Variants in BRSK1 observed in about 807,000 individuals in gnomAD.
The protein encoded by BRSK1 is serine/threonine-protein kinase BRSK1.
BRSK1 carries 17 observed loss-of-function variants against 86.2 expected under a neutral mutation model. That is an observed-to-expected ratio of 0.20 (90% CI 0.14 to 0.30). The LOEUF is 0.30. BRSK1 is among the 10% of genes least tolerant of loss of function. The pLI, the probability that BRSK1 is intolerant of heterozygous loss-of-function variation, is 1.00. For synonymous variants in BRSK1, 464 were observed against 440.1 expected (o/e 1.05, Z -0.68); for missense variants, 719 against 1,071.9 (o/e 0.67, Z 4.60).
chr19:55,289,486 G>A lies in BRSK1; in HGVS notation c.324G>A (p.Leu108=). 1 of 1,612,744 alleles carries A rather than the reference G, an allele frequency of 6.2e-7. No individual in the cohort carries two copies. Among genetic ancestry groups the A allele is most frequent in the East Asian group, 2.2e-5 (1 of 44,864 alleles). Residue 108 remains leucine (L), a synonymous_variant, in exon 4 of 19, where the codon CTG becomes CTA. Coordinates refer to ENST00000309383, the MANE Select transcript of BRSK1 (RefSeq NM_032430.2). Reference sequence around the variant, plus strand: ...CCCCCTCTATATCCTTTAGGTACCTGGTTCTGGAGCACGTCTCGGGGGGTG... The same window carrying A: ...CCCCCTCTATATCCTTTAGGTACCTAGTTCTGGAGCACGTCTCGGGGGGTG... ...DVYENKKYLY[L]VLEHVSGGEL...
At chr19:55,290,928 A>G (rs1034125444) in intron 4 of BRSK1, among the ~76,000 whole-genome samples, 2 of 151,862 alleles carry the variant, frequency 1.3e-5, no homozygotes, top group Non-Finnish European at 2.9e-5. Flanking sequence ...GGCATGAGCC[A>G]CCGCGCCCGG....
chr19:55,304,836 G>C lies in BRSK1; in HGVS notation c.1633G>C (p.Gly545Arg). ...ACCCCCCAGCCCCGGCGGTGGCGTC[G>C]GGGGAGCCGCCTGGAGGAGTCGTCT... is the stretch of plus-strand genomic sequence containing the variant. ...TPPPSPGGGV[G>R]GAAWRSRLNS... The change falls in exon 14 of 19, where the codon GGG (glycine) becomes CGG (arginine). Residue 545 changes from glycine (G) to arginine (R), a missense_variant. Gly to Arg is a moderately radical substitution (Grantham distance 125). Around this residue, in one of 6 missense-constraint regions of BRSK1, gnomAD observed 180 missense variants for 259.4 expected, o/e 0.69. Transcript: ENST00000309383. The surrounding 1 kb of genome is among the most constrained non-coding windows in gnomAD (Gnocchi z 5.2). 2.5e-6 allele frequency: 4 copies of C among 1,600,920 alleles called. No homozygotes were observed. Among genetic ancestry groups the C allele is most frequent in the Non-Finnish European group, 3.4e-6 (4 of 1,176,156 alleles).
Position 55,287,418 on chromosome 19 carries a change from C to A in BRSK1, c.317+119C>A. ...GGGACCTGCAGCTCTCCAGGCTGGA[C>A]CGCTGAAGGCCCAGTTCCTTGCCTG... On this transcript the variant is annotated intron_variant, in intron 3 of 18. Coordinates refer to ENST00000309383, the MANE Select transcript of BRSK1 (RefSeq NM_032430.2). The surrounding 1 kb of genome is among the most constrained non-coding windows in gnomAD (Gnocchi z 5.3). 1 of 873,662 alleles carries A rather than the reference C, an allele frequency of 1.1e-6. No homozygotes were observed. The highest frequency in any genetic ancestry group is 1.8e-6 in the Non-Finnish European group (1 of 546,362). The allele number at this position is 873,662 out of a possible 1,614,324, so 54.1% of individuals were successfully genotyped here. A position where few individuals can be genotyped will look rare whatever the true frequency, so the allele number is the denominator to read the frequency against.
rs1190259677 is a variant in BRSK1, at chr19:55,310,078, C to T, written c.2179+1350C>T. 6.6e-6 allele frequency among the ~76,000 whole-genome samples: 1 copy of T among 152,184 alleles called. No homozygotes were observed. The highest frequency in any genetic ancestry group is 1.5e-5 in the Non-Finnish European group (1 of 68,038). On this transcript the variant is annotated intron_variant, in intron 18 of 18. Coordinates refer to ENST00000309383, the MANE Select transcript of BRSK1 (RefSeq NM_032430.2). The surrounding 1 kb of genome is among the most constrained non-coding windows in gnomAD (Gnocchi z 5.0). ...AGGGTCAGGTCTTTTGCTCTGGAGCCGTGGTTCTCAACTAGGGGAGCTGGT... is the reference window on the plus strand; with the variant it reads ...AGGGTCAGGTCTTTTGCTCTGGAGCTGTGGTTCTCAACTAGGGGAGCTGGT...
chr19:55,307,784 ACAC>A (rs1470936421), intron 17 of BRSK1, among the ~76,000 whole-genome samples: 41 of 127,710 alleles, frequency 3.2e-4, no homozygotes, highest in African/African-American at 1.1e-3. Flanking sequence ...ACACACACAC[ACAC>A]AATTTAAAAA....
At chr19:55,308,024 GT>G (rs563131841) in intron 17 of BRSK1, among the ~76,000 whole-genome samples, 3,802 of 139,432 alleles carry the variant, frequency 0.027, 127 homozygotes, top group African/African-American at 0.094. Flanking sequence ...TTGTTGTTTG[GT>G]TTTTTTTTTT....
At chr19:55,291,110 GTTAT>G (rs1357994041) in intron 4 of BRSK1, among the ~76,000 whole-genome samples, 1 of 152,096 alleles carries the variant, frequency 6.6e-6, no homozygotes, top group Non-Finnish European at 1.5e-5. Context: ...TTGAGTAAGG[GTTAT>G]TTATTTATTC....
At position 55,303,711 on chromosome 19, in the gene BRSK1, G is replaced by C; in HGVS notation, c.1171G>C (p.Gly391Arg). 6.2e-7 allele frequency: 1 copy of C among 1,613,406 alleles called. No homozygotes were observed. Among genetic ancestry groups the C allele is most frequent in the Non-Finnish European group, 8.5e-7 (1 of 1,179,678 alleles). Residue 391 changes from glycine to arginine, a missense_variant, in exon 12 of 19, where the codon GGG (glycine) becomes CGG (arginine). Transcript: ENST00000309383. The surrounding 1 kb of genome is among the most constrained non-coding windows in gnomAD (Gnocchi z 5.1). ...RVDSPMLSRH[G>R]KRRPERKSME... ...GGATTCTCCCATGCTGAGCCGTCAC[G>C]GGAAGCGGCGACCAGAGCGGAAGTC...
Position 55,284,165 on chromosome 19 carries a change from G to C in BRSK1, c.-278G>C, listed in dbSNP as rs1369249574. 1 of 1,053,678 alleles carries C rather than the reference G, an allele frequency of 9.5e-7. No individual in the cohort carries two copies. The highest frequency in any genetic ancestry group is 4.3e-5 in the Admixed American group (1 of 23,216). The allele number at this position is 1,053,678 out of a possible 1,614,324, so 65.3% of individuals were successfully genotyped here. On this transcript the variant is annotated 5_prime_UTR_variant, in exon 1 of 19. Coordinates refer to ENST00000309383, the MANE Select transcript of BRSK1 (RefSeq NM_032430.2). Reference sequence around the variant, plus strand: ...CCCGGCGGGGGGAGGCGCAGGAAGCGGGGGGCCGGCCAGAAACGGGCTGGG... The same window carrying C: ...CCCGGCGGGGGGAGGCGCAGGAAGCCGGGGGCCGGCCAGAAACGGGCTGGG...
intron 4 of BRSK1, among the ~76,000 whole-genome samples, chr19:55,291,028 A>G (rs766670489): frequency 6.6e-6 from 1 of 151,960 alleles, no homozygotes; most frequent in Non-Finnish European, 1.5e-5. Context: ...TAGAAGTTGT[A>G]TAGTTATAGC....
intron 4 of BRSK1, among the ~76,000 whole-genome samples, chr19:55,292,631 C>G (rs1364944341): frequency 2.0e-5 from 3 of 151,778 alleles, no homozygotes; most frequent in Non-Finnish European, 2.9e-5. Context: ...GTGAAGAGTT[C>G]GAGACCAGCC....
intron 7 of BRSK1, among the ~76,000 whole-genome samples, chr19:55,297,855 C>A (rs530484667): frequency 1.3e-5 from 2 of 152,308 alleles, no homozygotes; most frequent in South Asian, 4.1e-4. Flanking sequence ...GCTCTTGTCG[C>A]CCAGGCTGGA....
chr19:55,290,914 TAC>T (rs1343468121), intron 4 of BRSK1, among the ~76,000 whole-genome samples: 2 of 152,052 alleles, frequency 1.3e-5, no homozygotes, highest in Admixed American at 6.6e-5. Context: ...GTGCTGGGAT[TAC>T]AGGCATGAGC....
chr19:55,302,388 G>A lies in BRSK1; in HGVS notation c.857+220G>A. Reference sequence around the variant, plus strand: ...CTAGGAGTCCAGGACTCCCAGGTTTGAGGGAAAAAGGGACTGGGGGCCTGG... The same window carrying A: ...CTAGGAGTCCAGGACTCCCAGGTTTAAGGGAAAAAGGGACTGGGGGCCTGG... On this transcript the variant is annotated intron_variant, in intron 9 of 18. Coordinates refer to ENST00000309383, the MANE Select transcript of BRSK1 (RefSeq NM_032430.2). This position sits in a 1 kb window ranked among gnomAD's most constrained non-coding sequence, Gnocchi z 6.3. 1 of 625,936 alleles carries A rather than the reference G, an allele frequency of 1.6e-6. No individual in the cohort carries two copies. The allele number at this position is 625,936 out of a possible 1,614,324, so 38.8% of individuals were successfully genotyped here.
In BRSK1 at chr19:55,287,258, T is replaced by C. The variant is rs1351113273; in HGVS notation, c.276T>C (p.His92=). Reference sequence around the variant, plus strand: ...TCCTGAAGCTCATCGAACACCCACATGTCCTCAAGCTCCACGACGTCTACG... The same window carrying C: ...TCCTGAAGCTCATCGAACACCCACACGTCCTCAAGCTCCACGACGTCTACG... ...IAILKLIEHP[H]VLKLHDVYEN... is the part of the protein sequence containing the mutation. The change falls in exon 3 of 19, where the codon CAT becomes CAC. Residue 92 remains histidine, a synonymous_variant. Transcript: ENST00000309383. The surrounding 1 kb of genome is among the most constrained non-coding windows in gnomAD (Gnocchi z 5.3). 1 of 1,614,008 alleles carries C rather than the reference T, an allele frequency of 6.2e-7. No individual in the cohort carries two copies. Among genetic ancestry groups the C allele is most frequent in the Admixed American group, 1.7e-5 (1 of 60,004 alleles).
At chr19:55,296,542 A>T (rs2088489884) in intron 7 of BRSK1, among the ~76,000 whole-genome samples, 1 of 151,880 alleles carries the variant, frequency 6.6e-6, no homozygotes, top group African/African-American at 2.4e-5. Flanking sequence ...TCTCAAAAGA[A>T]AGTTAAGAAA....
At position 55,304,023 on chromosome 19, in the gene BRSK1, T is replaced by A. The variant is rs749483422; in HGVS notation, c.1287-27T>A. 2 of 1,588,346 alleles carry A rather than the reference T, an allele frequency of 1.3e-6. No individual in the cohort carries two copies. The highest frequency in any genetic ancestry group is 1.7e-6 in the Non-Finnish European group (2 of 1,170,316). Reference sequence around the variant, plus strand: ...TTTTGAAACCCTCCCATCTGATTTTTTTTTTTTAAATCTATCCTGGAAACA... The same window carrying A: ...TTTTGAAACCCTCCCATCTGATTTTATTTTTTTAAATCTATCCTGGAAACA... On this transcript the variant is annotated intron_variant, in intron 12 of 18. Transcript: ENST00000309383. The surrounding 1 kb of genome is among the most constrained non-coding windows in gnomAD (Gnocchi z 5.2).
chr19:55,287,128 G>A lies in BRSK1; in HGVS notation c.231+27G>A. The A allele has an allele frequency of 6.2e-7, 1 of 1,613,402 alleles. No homozygotes were observed. ...TGTGTGCGCCTGCTGCAGTGTGCCT[G>A]CGGGTGGGGGGGCCTCCGGGGCTGA... On this transcript the variant is annotated intron_variant, in intron 2 of 18. Coordinates refer to ENST00000309383, the MANE Select transcript of BRSK1 (RefSeq NM_032430.2). This position sits in a 1 kb window ranked among gnomAD's most constrained non-coding sequence, Gnocchi z 5.3.
intron 7 of BRSK1, among the ~76,000 whole-genome samples, chr19:55,295,137 T>C (rs1241279111): frequency 1.3e-5 from 2 of 149,680 alleles, no homozygotes; most frequent in Non-Finnish European, 3.0e-5. Flanking sequence ...TATTTTTATT[T>C]TTTGAGAGAG....
Sources: gnomAD v4.1 joint callset for allele counts (sites outside exome capture counted in the v4.1 genomes callset) on GRCh38, gnomAD v4.1.1 for gene constraint, gnomAD v4.1.1 regional missense constraint, Gnocchi (gnomAD v3.1) non-coding constraint, MANE v1.5 for transcripts, NCBI Gene and HGNC (gene_info 2026-07-23, HGNC 2026-07-21) for gene names.